PRKN: variants seen among roughly 807,000 people sequenced by gnomAD.
The protein encoded by PRKN is parkin RBR E3 ubiquitin protein ligase.
A neutral mutation model predicts 59.5 loss-of-function variants in PRKN; 56 were observed. The ratio of observed to expected loss-of-function variants is 0.94; its 90% CI spans 0.76 to 1.18. The LOEUF (loss-of-function observed/expected upper bound fraction) is 1.18. PRKN is among the 50% of genes most tolerant of loss of function. The pLI, the probability that PRKN is intolerant of heterozygous loss-of-function variation, is 0.00. For missense variants in PRKN, 657 were observed against 596.4 expected (o/e 1.10, Z -1.06); for synonymous variants, 250 against 222.1 (o/e 1.13, Z -1.12).
chr6:162,025,164 T>C (rs6921509), intron 5 of PRKN, among the ~76,000 whole-genome samples: 2,045 of 151,896 alleles, frequency 0.013, 34 homozygotes, highest in African/African-American at 0.045. Flanking sequence ...TACAGGCACC[T>C]GCCACCACGC....
intron 6 of PRKN, among the ~76,000 whole-genome samples, chr6:161,873,941 AAAAG>A (rs1220472594): frequency 7.3e-5 from 9 of 123,436 alleles, no homozygotes; most frequent in African/African-American, 2.2e-4. Context: ...TAATATATAT[AAAAG>A]AAATATATAT....
chr6:161,955,813 G>A (rs1357156889), intron 6 of PRKN, among the ~76,000 whole-genome samples: 1 of 152,142 alleles, frequency 6.6e-6, no homozygotes, highest in Non-Finnish European at 1.5e-5. Context: ...TCACACCATT[G>A]CACTCCAGCC....
chr6:161,610,848 G>A (rs551055042), intron 7 of PRKN, among the ~76,000 whole-genome samples: 1 of 152,148 alleles, frequency 6.6e-6, no homozygotes, highest in Non-Finnish European at 1.5e-5. Flanking sequence ...GGTCGTCCAC[G>A]TGGCCAGAGG....
intron 2 of PRKN, among the ~76,000 whole-genome samples, chr6:162,375,069 T>G (rs1453354156): frequency 2.0e-5 from 3 of 152,130 alleles, no homozygotes; most frequent in Non-Finnish European, 4.4e-5. Flanking sequence ...TTTAGTCTTT[T>G]GTGTAACAAT....
chr6:161,451,920 TCTTTTTTCTTTTCTTTTCTTTTA>T lies in PRKN; in HGVS notation c.1084-65066_1084-65044del, dbSNP rs367746438. On this transcript the variant is annotated intron_variant, in intron 9 of 11. Transcript: ENST00000366898. The surrounding 1 kb of genome is among the most constrained non-coding windows in gnomAD (Gnocchi z 5.9). ...TATAAATTTAAGACATTCTTTTTTT[TCTTTTTTCTTTTCTTTTCTTTTA>T]CTTTTTTCTTTTCTTTTCTTTTCTT... Among the ~76,000 whole-genome samples the T allele has an allele frequency of 0.018, 2,690 of 152,204 alleles. 87 individuals are homozygous for T. The highest frequency in any genetic ancestry group is 0.061 in the African/African-American group (2,539 of 41,476).
chr6:161,477,208 T>C (rs1330590283), intron 9 of PRKN, among the ~76,000 whole-genome samples: 1 of 152,166 alleles, frequency 6.6e-6, no homozygotes, highest in Non-Finnish European at 1.5e-5. Context: ...GCAGCTTGTA[T>C]TGGTGATGGA....
intron 4 of PRKN, among the ~76,000 whole-genome samples, chr6:162,177,801 C>T (rs923907241): frequency 6.6e-6 from 1 of 152,040 alleles, no homozygotes; most frequent in Non-Finnish European, 1.5e-5. Flanking sequence ...GTGGCAGCTG[C>T]CAGATTAAAA....
chr6:161,555,115 C>T (rs1780186664), intron 8 of PRKN, among the ~76,000 whole-genome samples: 1 of 152,030 alleles, frequency 6.6e-6, no homozygotes, highest in Non-Finnish European at 1.5e-5. Flanking sequence ...CTTCTAATTC[C>T]AACAGCTTAT....
intron 1 of PRKN, among the ~76,000 whole-genome samples, chr6:162,696,115 A>AG (rs550398249): frequency 9.2e-5 from 14 of 152,212 alleles, no homozygotes; most frequent in Non-Finnish European, 2.1e-4. Context: ...CATACTAAAA[A>AG]AGAGAGAGAA....
chr6:161,757,875 G>GTGTATA (rs1554301321), intron 7 of PRKN, among the ~76,000 whole-genome samples: 1 of 23,470 alleles, frequency 4.3e-5, no homozygotes, highest in Non-Finnish European at 1.1e-4. Flanking sequence ...CTCTCTCTGT[G>GTGTATA]TATATATATA....
intron 1 of PRKN, among the ~76,000 whole-genome samples, chr6:162,666,441 T>C (rs1779106800): frequency 6.6e-6 from 1 of 152,126 alleles, no homozygotes; most frequent in Admixed American, 6.6e-5. Context: ...GCAATTACTT[T>C]TAAGAAACAA....
In PRKN at chr6:162,169,016, C is replaced by T. The variant is rs1783129105; in HGVS notation, c.534+32115G>A. Among the ~76,000 whole-genome samples, 4 of 152,154 alleles carry T rather than the reference C, an allele frequency of 2.6e-5. No homozygotes were observed. The South Asian group carries it at 8.3e-4, about 32-fold the overall frequency. ...GATTCCTAAATTTTATATCCTGCTG[C>T]ACTAGTGAGATATGTAAGAGGATTC... On this transcript the variant is annotated intron_variant, in intron 4 of 11. Transcript: ENST00000366898.
At position 161,721,076 on chromosome 6, in the gene PRKN, C is replaced by T. The variant is rs183272408; in HGVS notation, c.871+64696G>A. ...TAAGATGAAGGTGCGACATAACATC[C>T]GATCCATGGGCAGAGGTCCCTCAAG... On this transcript the variant is annotated intron_variant, in intron 7 of 11. Coordinates refer to ENST00000366898, the MANE Select transcript of PRKN (RefSeq NM_004562.3). Among the ~76,000 whole-genome samples, 312 of 152,268 alleles carry T rather than the reference C, an allele frequency of 2.0e-3. 3 individuals carry two copies. Among genetic ancestry groups the T allele is most frequent in the African/African-American group, 7.4e-3 (306 of 41,554 alleles).
At chr6:162,217,181 TGCTACATG>T (rs1053281571) in intron 3 of PRKN, among the ~76,000 whole-genome samples, 22 of 152,208 alleles carry the variant, frequency 1.4e-4, no homozygotes, top group African/African-American at 5.3e-4. Context: ...ATTCTCCATG[TGCTACATG>T]AACCAAGGCC....
chr6:161,987,242 C>T, intron 5 of PRKN, among the ~76,000 whole-genome samples: 2 of 152,222 alleles, frequency 1.3e-5, no homozygotes, highest in South Asian at 4.1e-4. Context: ...TACCGGAAAA[C>T]TAAGATGAAT....
intron 3 of PRKN, among the ~76,000 whole-genome samples, chr6:162,219,322 T>G (rs139577557): frequency 2.4e-4 from 36 of 152,192 alleles, no homozygotes; most frequent in African/African-American, 8.4e-4. Context: ...TAATACTGCA[T>G]AGGTGACTCC....
At position 161,588,955 on chromosome 6, in the gene PRKN, T is replaced by C. The variant is rs922536744; in HGVS notation, c.872-19539A>G. 6.6e-6 allele frequency among the ~76,000 whole-genome samples: 1 copy of C among 152,182 alleles called. No homozygotes were observed. Among genetic ancestry groups the C allele is most frequent in the Non-Finnish European group, 1.5e-5 (1 of 68,034 alleles). On this transcript the variant is annotated intron_variant, in intron 7 of 11. Coordinates refer to ENST00000366898, the MANE Select transcript of PRKN (RefSeq NM_004562.3). This position sits in a 1 kb window ranked among gnomAD's most constrained non-coding sequence, Gnocchi z 5.0. ...AAATGCAAATGTAACCGGTATCCTC[T>C]AGTTTATCTGGCAGCCTTACCAAGC...
intron 4 of PRKN, among the ~76,000 whole-genome samples, chr6:162,198,546 G>T (rs1784590140): frequency 6.6e-6 from 1 of 151,760 alleles, no homozygotes; most frequent in Non-Finnish European, 1.5e-5. Context: ...TTATGTTCTG[G>T]CTACTGTTCT....
At chr6:161,680,184 A>G (rs1785264504) in intron 7 of PRKN, among the ~76,000 whole-genome samples, 1 of 152,170 alleles carries the variant, frequency 6.6e-6, no homozygotes, top group Admixed American at 6.5e-5. Flanking sequence ...AACACATCAT[A>G]AAGGATGTGA....
Sources: gnomAD v4.1 joint callset for allele counts (sites outside exome capture counted in the v4.1 genomes callset) on GRCh38, gnomAD v4.1.1 for gene constraint, Gnocchi (gnomAD v3.1) non-coding constraint, MANE v1.5 for transcripts, NCBI Gene and HGNC (gene_info 2026-07-23, HGNC 2026-07-21) for gene names.